The following CADM2 variants were observed in gnomAD, a reference collection of about 807,000 sequenced individuals.
CADM2 encodes immunoglobulin superfamily member 4D.
In CADM2, 12 loss-of-function variants were observed where a neutral mutation model predicts 49.8. The observed-to-expected ratio is 0.24, with a 90% CI of 0.15 to 0.39. The LOEUF is 0.39. CADM2 is among the 10% of genes least tolerant of loss of function. The pLI is 1.00. For missense variants in CADM2, 378 were observed against 492.3 expected, an observed-to-expected ratio of 0.77 and a Z score of 2.20; for synonymous variants, 214 against 175.4, an observed-to-expected ratio of 1.22 and a Z score of -1.74.
chr3:85,350,572 A>T (rs1018477002), intron 1 of CADM2, among the ~76,000 whole-genome samples: 11 of 152,090 alleles, frequency 7.2e-5, no homozygotes, highest in Non-Finnish European at 1.6e-4. Flanking sequence ...CTTGTCTTTT[A>T]TTTATTCAGT....
At chr3:85,750,038 T>C (rs911272603) in intron 2 of CADM2, among the ~76,000 whole-genome samples, 1 of 152,086 alleles carries the variant, frequency 6.6e-6, no homozygotes, top group South Asian at 2.1e-4. Context: ...TTCCATGAAT[T>C]ACTCTTTGTC....
chr3:85,533,325 A>T (rs2106972659), intron 1 of CADM2, among the ~76,000 whole-genome samples: 1 of 152,298 alleles, frequency 6.6e-6, no homozygotes, highest in African/African-American at 2.4e-5. Flanking sequence ...TTTTTGATGC[A>T]GGAATCTATA....
intron 1 of CADM2, among the ~76,000 whole-genome samples, chr3:85,659,399 A>G (rs976279508): frequency 6.6e-6 from 1 of 152,048 alleles, no homozygotes; most frequent in Non-Finnish European, 1.5e-5. Flanking sequence ...CCTTATATCA[A>G]AAACTTTATA....
Position 85,872,972 on chromosome 3 carries a change from A to G in CADM2, c.239-10319A>G, listed in dbSNP as rs577444849. Among the ~76,000 whole-genome samples, 10 of 152,334 alleles carry G rather than the reference A, an allele frequency of 6.6e-5. 1 individual carries two copies. In the East Asian group the frequency reaches 1.9e-3, roughly 29 times the overall value. On this transcript the variant is annotated intron_variant, in intron 3 of 9. Transcript: ENST00000383699. ...CAAAATACCACAGACTGGGTAATTT[A>G]CAAACACTAGAAATTCACTTGGCTC...
chr3:85,109,153 T>TA (rs369405190), intron 1 of CADM2, among the ~76,000 whole-genome samples: 9 of 151,978 alleles, frequency 5.9e-5, no homozygotes, highest in Non-Finnish European at 7.4e-5. Flanking sequence ...TATAGTTACT[T>TA]AAAAAAACTT....
intron 1 of CADM2, among the ~76,000 whole-genome samples, chr3:85,124,329 T>C (rs1314970912): frequency 1.3e-5 from 2 of 152,114 alleles, no homozygotes; most frequent in Non-Finnish European, 2.9e-5. Flanking sequence ...GTGGATGAGG[T>C]GCGGTAGCTC....
intron 1 of CADM2, among the ~76,000 whole-genome samples, chr3:85,639,008 A>C (rs1177116250): frequency 2.0e-5 from 3 of 152,200 alleles, no homozygotes; most frequent in Non-Finnish European, 2.9e-5. Flanking sequence ...TGAAGGTTAC[A>C]GAGTACATTC....
chr3:85,499,486 A>C (rs1051312982), intron 1 of CADM2, among the ~76,000 whole-genome samples: 13 of 151,998 alleles, frequency 8.6e-5, no homozygotes, highest in African/African-American at 2.4e-4. Context: ...GTGACAAATG[A>C]AATTAATTTT....
intron 2 of CADM2, among the ~76,000 whole-genome samples, chr3:85,794,111 A>G (rs1392068341): frequency 6.6e-6 from 1 of 152,106 alleles, no homozygotes; most frequent in African/African-American, 2.4e-5. Flanking sequence ...CATACATATA[A>G]TCCTTATGTA....
chr3:85,855,629 T>TATAAAAC (rs1208994988), intron 3 of CADM2, among the ~76,000 whole-genome samples: 2 of 53,808 alleles, frequency 3.7e-5, no homozygotes, highest in Non-Finnish European at 3.6e-5. Context: ...AACATATATA[T>TATAAAAC]ATATATATAT....
chr3:86,064,324 G>A (rs1430906099), intron 8 of CADM2, among the ~76,000 whole-genome samples: 2 of 151,946 alleles, frequency 1.3e-5, no homozygotes, highest in African/African-American at 4.8e-5. Context: ...TTGTCCTTGC[G>A]ATAGTTTGCT....
At chr3:85,628,238 G>C (rs2064183741) in intron 1 of CADM2, among the ~76,000 whole-genome samples, 1 of 151,946 alleles carries the variant, frequency 6.6e-6, no homozygotes, top group East Asian at 1.9e-4. Context: ...CTCTGCTTTA[G>C]GAGTACCTGA....
At chr3:85,497,447 T>C (rs2039951421) in intron 1 of CADM2, among the ~76,000 whole-genome samples, 2 of 152,100 alleles carry the variant, frequency 1.3e-5, no homozygotes, top group Non-Finnish European at 1.5e-5. Flanking sequence ...TAAAATGTTA[T>C]ATCTATATAT....
At chr3:85,838,773 A>AT (rs148390070) in intron 3 of CADM2, among the ~76,000 whole-genome samples, 7,817 of 151,808 alleles carry the variant, frequency 0.051, 556 homozygotes, top group African/African-American at 0.16. Flanking sequence ...TCATAGATTG[A>AT]TTTTATTTAC....
At chr3:85,468,844 C>T (rs931083947) in intron 1 of CADM2, among the ~76,000 whole-genome samples, 15 of 152,128 alleles carry the variant, frequency 9.9e-5, no homozygotes, top group Non-Finnish European at 1.2e-4. Flanking sequence ...CCACTGTGGG[C>T]AACTGGAGCT....
At chr3:85,383,004 A>C (rs528347193) in intron 1 of CADM2, among the ~76,000 whole-genome samples, 8 of 152,208 alleles carry the variant, frequency 5.3e-5, no homozygotes, top group African/African-American at 1.9e-4. Flanking sequence ...CTGAAAACCT[A>C]ACTTAGGAGT....
At chr3:85,608,539 A>T (rs1041258595) in intron 1 of CADM2, among the ~76,000 whole-genome samples, 2 of 152,178 alleles carry the variant, frequency 1.3e-5, no homozygotes, top group African/African-American at 4.8e-5. Context: ...AAATTTTGTT[A>T]ATTCAAGACA....
chr3:85,679,578 T>C (rs986671456), intron 1 of CADM2, among the ~76,000 whole-genome samples: 2 of 152,174 alleles, frequency 1.3e-5, no homozygotes, highest in Non-Finnish European at 2.9e-5. Flanking sequence ...TTCCTAAGAA[T>C]CCAATTTCTA....
intron 1 of CADM2, among the ~76,000 whole-genome samples, chr3:85,186,810 C>G (rs2041076846): frequency 6.6e-6 from 1 of 152,056 alleles, no homozygotes; most frequent in Non-Finnish European, 1.5e-5. Context: ...GTATATACTT[C>G]CAGTTAGTTG....
Sources: allele counts gnomAD v4.1 joint callset (sites outside exome capture counted in the v4.1 genomes callset), GRCh38; gene constraint gnomAD v4.1.1; transcripts MANE v1.5; gene names NCBI Gene and HGNC (gene_info 2026-07-23, HGNC 2026-07-21).